CEBPZ: variants seen among roughly 807,000 people sequenced by gnomAD.
CEBPZ encodes CCAAT/enhancer-binding protein zeta.
In CEBPZ, 78 loss-of-function variants were observed where a neutral mutation model predicts 104.5. That is an observed-to-expected ratio of 0.75 (90% CI 0.62 to 0.90). The LOEUF (loss-of-function observed/expected upper bound fraction) is 0.90. Ranked by LOEUF, CEBPZ falls within the 40% of genes least tolerant of loss-of-function variation. The probability of loss-of-function intolerance (pLI) is 0.00; values close to 1 mark genes in which losing one functional copy is unlikely to be tolerated. For synonymous variants in CEBPZ, 470 were observed against 427.0 expected, an observed-to-expected ratio of 1.10 and a Z score of -1.24; for missense variants, 1,439 against 1,233.5, an observed-to-expected ratio of 1.17 and a Z score of -2.50.
At chr2:37,217,156 G>T in intron 5 of CEBPZ, 119 bp from the exon 6 acceptor site, 1 of 754,888 alleles carries the variant, frequency 1.3e-6, no homozygotes. Flanking sequence ...CCAGCACTTT[G>T]GGAGGCTCAG....
intron 8 of CEBPZ, chr2:37,215,539 G>A (rs1677847257): frequency 6.6e-6 from 1 of 152,240 alleles, no homozygotes; most frequent in South Asian, 2.1e-4. Flanking sequence ...TTACATCTCT[G>A]GACCTCTGTG....
rs752579887 is a variant in CEBPZ at position 37,227,832 on chromosome 2, T to G, written c.1361A>C (p.Glu454Ala). 1.9e-5 allele frequency: 31 copies of G among 1,614,030 alleles called. No individual in the cohort carries two copies. Among genetic ancestry groups the G allele is most frequent in the South Asian group, 4.4e-5 (4 of 91,088 alleles). ...TATTAATTTGTTAGCCAATTCACTT[T>G]CTTCATGGGACAGAGCCATTTGATT... ...FLNQMALSHE[E>A]SELANKLITV... The change falls in exon 2 of 16, where the codon GAA becomes GCA. Residue 454 changes from glutamate to alanine, a missense_variant. Glu to Ala is a moderately radical substitution (Grantham distance 107, BLOSUM62 -1). Transcript: ENST00000234170.
At position 37,229,043 on chromosome 2, in the gene CEBPZ, T is replaced by TA; in HGVS notation, c.157-8dup. On this transcript the variant is annotated splice_polypyrimidine_tract_variant and splice_region_variant and intron_variant, in intron 1 of 15. Coordinates refer to ENST00000234170, the MANE Select transcript of CEBPZ (RefSeq NM_005760.3). ...CCAGCATAAGGTAATCTTGCTGCAT[T>TA]AAAAACATAAGTTAAAAATACATTA... The TA allele has an allele frequency of 6.7e-7, 1 of 1,495,680 alleles. No individual in the cohort carries two copies. The highest frequency in any genetic ancestry group is 1.8e-4 in the Middle Eastern group (1 of 5,582). 92.7% of individuals were successfully genotyped at this position (1,495,680 alleles called of 1,614,324 possible).
chr2:37,202,773 A>C lies in CEBPZ; in HGVS notation c.3025+11T>G. 6.6e-7 allele frequency: 1 copy of C among 1,508,360 alleles called. No individual in the cohort carries two copies. The allele number at this position is 1,508,360 out of a possible 1,614,324, so 93.4% of individuals were successfully genotyped here. On this transcript the variant is annotated intron_variant, in intron 15 of 15. Coordinates refer to ENST00000234170, the MANE Select transcript of CEBPZ (RefSeq NM_005760.3). ...TTTTAAAACATCAATAAAAAAATTTAAGTTACTTACTTGCATTATCTTTGT... is the reference window on the plus strand; with the variant it reads ...TTTTAAAACATCAATAAAAAAATTTCAGTTACTTACTTGCATTATCTTTGT...
At chr2:37,203,694 A>C (rs1156532863) in intron 13 of CEBPZ, 1 of 152,248 alleles carries the variant, frequency 6.6e-6, no homozygotes, top group Non-Finnish European at 1.5e-5. Flanking sequence ...ATTTCCATCA[A>C]CTTCAAAGAT....
intron 13 of CEBPZ, chr2:37,203,816 ATC>A (rs1184921132): frequency 6.6e-6 from 1 of 152,096 alleles, no homozygotes; most frequent in Non-Finnish European, 1.5e-5. Flanking sequence ...GGTTTCCTAT[ATC>A]TGACTTTTTT....
chr2:37,203,068 C>G, intron 13 of CEBPZ, 60 bp from the exon 14 acceptor site: 1 of 1,117,194 alleles, frequency 9.0e-7, no homozygotes. Context: ...TAGAAAAATG[C>G]AATGCAACAT....
intron 4 of CEBPZ, among the ~76,000 whole-genome samples, chr2:37,221,965 G>C (rs529127069): frequency 5.3e-5 from 8 of 152,148 alleles, no homozygotes; most frequent in Non-Finnish European, 1.2e-4. Context: ...TGAACAGAAA[G>C]TTTTCTATCC....
At position 37,223,294 on chromosome 2, in the gene CEBPZ, A is replaced by G; in HGVS notation, c.1757T>C (p.Phe586Ser). ...ADIVLRRVKA[F>S]VKRLLQVTCQ... is the part of the protein sequence containing the mutation. ...AGTAACTTGAAGTAACCTCTTCACA[A>G]AAGCCTTCACCCGGCGCAACACAAT... Residue 586 changes from phenylalanine (F) to serine (S), a missense_variant, in exon 3 of 16, where the codon TTT becomes TCT. Physicochemically the swap from Phe to Ser is radical, Grantham distance 155. Coordinates refer to ENST00000234170, the MANE Select transcript of CEBPZ (RefSeq NM_005760.3). 1.9e-6 allele frequency: 3 copies of G among 1,614,144 alleles called. No individual in the cohort carries two copies. The highest frequency in any genetic ancestry group is 2.5e-6 in the Non-Finnish European group (3 of 1,180,016).
rs1677706478 is a variant in CEBPZ at position 37,211,070 on chromosome 2, T to C, written c.2813A>G (p.His938Arg). 1 of 1,608,496 alleles carries C rather than the reference T, an allele frequency of 6.2e-7. No individual in the cohort carries two copies. The highest frequency in any genetic ancestry group is 1.1e-5 in the South Asian group (1 of 89,782). The change falls in exon 13 of 16, where the codon CAC becomes CGC. Residue 938 changes from histidine (H) to arginine (R), a missense_variant. Transcript: ENST00000234170. Reference sequence around the variant, plus strand: ...GCTTTTCTTAGTACTGACTTTGGAGTGGACTTCAAGTTCTGTTACACGAAA... The same window carrying C: ...GCTTTTCTTAGTACTGACTTTGGAGCGGACTTCAAGTTCTGTTACACGAAA... ...ESESVPELEV[H>R]SKVSTKKSKR...
intron 13 of CEBPZ, chr2:37,210,563 C>T (rs1677687834): frequency 6.5e-6 from 1 of 152,930 alleles, no homozygotes; most frequent in Non-Finnish European, 1.5e-5. Flanking sequence ...TAAATGGGAG[C>T]TAAGCAATGA....
chr2:37,228,082 C>G lies in CEBPZ; in HGVS notation c.1111G>C (p.Glu371Gln). The change falls in exon 2 of 16, where the codon GAG becomes CAG. Residue 371 changes from glutamate (E) to glutamine (Q), a missense_variant. Transcript: ENST00000234170. ...TCCTCAGGCTTGTTACAAAGCAGCTCATGAGCCACGGTAAGGGCTCGAGTT... is the reference window on the plus strand; with the variant it reads ...TCCTCAGGCTTGTTACAAAGCAGCTGATGAGCCACGGTAAGGGCTCGAGTT... ...TKTRALTVAH[E>Q]LLCNKPEEEK... The G allele has an allele frequency of 1.9e-6, 3 of 1,614,216 alleles. No individual in the cohort carries two copies. Among genetic ancestry groups the G allele is most frequent in the Non-Finnish European group, 2.5e-6 (3 of 1,180,042 alleles).
intron 2 of CEBPZ, among the ~76,000 whole-genome samples, chr2:37,225,999 T>C (rs1214428115): frequency 6.9e-6 from 1 of 144,438 alleles, no homozygotes; most frequent in African/African-American, 2.6e-5. Flanking sequence ...ATCCTTTACA[T>C]TGTCTATGAT....
At chr2:37,214,406 A>C (rs1677819656) in intron 9 of CEBPZ, among the ~76,000 whole-genome samples, 1 of 152,136 alleles carries the variant, frequency 6.6e-6, no homozygotes, top group Non-Finnish European at 1.5e-5. Flanking sequence ...CACTGAATCC[A>C]TTCTAAGGGC....
At chr2:37,205,203 C>T (rs1269432302) in intron 13 of CEBPZ, among the ~76,000 whole-genome samples, 2 of 152,044 alleles carry the variant, frequency 1.3e-5, no homozygotes, top group Non-Finnish European at 2.9e-5. Flanking sequence ...AGACTACTAC[C>T]AATATGTAAA....
chr2:37,213,813 A>G, intron 10 of CEBPZ, 51 bp downstream of exon 10: 1 of 1,243,236 alleles, frequency 8.0e-7, no homozygotes, highest in Non-Finnish European at 1.2e-6. Flanking sequence ...TCCATGGTCT[A>G]TTAACACATA....
chr2:37,208,150 A>C (rs1365752860), intron 13 of CEBPZ, among the ~76,000 whole-genome samples: 1 of 152,174 alleles, frequency 6.6e-6, no homozygotes, highest in Non-Finnish European at 1.5e-5. Context: ...CGACTGAAAC[A>C]GTAATAAAAA....
intron 2 of CEBPZ, among the ~76,000 whole-genome samples, chr2:37,226,156 T>C (rs1664882395): frequency 6.6e-6 from 1 of 151,948 alleles, no homozygotes; most frequent in Non-Finnish European, 1.5e-5. Flanking sequence ...CTCCATATGC[T>C]GAACGCTGGT....
chr2:37,203,272 T>C, intron 13 of CEBPZ: 1 of 257,826 alleles, frequency 3.9e-6, no homozygotes, highest in Non-Finnish European at 7.3e-6. Flanking sequence ...ATCGAAGTTT[T>C]ACCCATAAGG....
Sources: allele counts gnomAD v4.1 joint callset (sites outside exome capture counted in the v4.1 genomes callset), GRCh38; gene constraint gnomAD v4.1.1; transcripts MANE v1.5; gene names NCBI Gene and HGNC (gene_info 2026-07-23, HGNC 2026-07-21).